Variants in SCN7A observed in about 807,000 individuals in gnomAD.
SCN7A encodes sodium voltage-gated channel alpha subunit 7, also known as sodium channel protein type 7 subunit alpha.
Under a neutral mutation model 155.2 loss-of-function variants are expected in SCN7A, and 138 were observed. The ratio of observed to expected loss-of-function variants is 0.89; its 90% confidence interval spans 0.77 to 1.02. The LOEUF is 1.02. Ranked by LOEUF, SCN7A falls within the 50% of genes least tolerant of loss-of-function variation. SCN7A has a pLI of 0.00. For synonymous variants in SCN7A, 693 were observed against 649.0 expected, an observed-to-expected ratio of 1.07 and a Z score of -1.03; for missense variants, 2,058 against 1,986.6, an observed-to-expected ratio of 1.04 and a Z score of -0.68.
At chr2:166,409,602 A>T in intron 25 of SCN7A, 63 bp downstream of exon 25, 1 of 1,213,792 alleles carries the variant, frequency 8.2e-7, no homozygotes, top group Non-Finnish European at 1.1e-6. Context: ...TTTCATATTT[A>T]CTGTAAGAGC....
At position 166,405,696 on chromosome 2, in the gene SCN7A, C is replaced by A. The variant is rs771953782; in HGVS notation, c.4933G>T (p.Asp1645Tyr). ...ATATGAATATCTGATGTATTTTTGT[C>A]ATTTCGCCTCAAGCGGTAATTTTTA... ...AYKNYRLRRN[D>Y]KNTSDIHMID... Residue 1645 changes from aspartate (D) to tyrosine (Y), a missense_variant, in exon 26 of 26, where the codon GAC (aspartate) becomes TAC (tyrosine). Transcript: ENST00000643258. The A allele has an allele frequency of 3.0e-5, 48 of 1,612,844 alleles. No homozygotes were observed. The highest frequency in any genetic ancestry group is 4.1e-5 in the Non-Finnish European group (48 of 1,179,324).
At chr2:166,456,049 C>A (rs1217484817) in intron 11 of SCN7A, among the ~76,000 whole-genome samples, 1 of 152,152 alleles carries the variant, frequency 6.6e-6, no homozygotes, top group Non-Finnish European at 1.5e-5. Context: ...GAGTTCACAT[C>A]CTTTGCAGGG....
At position 166,462,499 on chromosome 2, in the gene SCN7A, C is replaced by A. The variant is rs746837039; in HGVS notation, c.973G>T (p.Ala325Ser). The A allele has an allele frequency of 1.2e-6, 2 of 1,613,794 alleles. No individual in the cohort carries two copies. Among genetic ancestry groups the A allele is most frequent in the South Asian group, 2.2e-5 (2 of 91,034 alleles). Residue 325 changes from alanine to serine, a missense_variant, in exon 10 of 26, where the codon GCT becomes TCT. Transcript: ENST00000643258. ...QCPEGYVCVK[A>S]GINPDQGFTN... ...AAGCCTTGATCAGGATTTATGCCAG[C>A]TTTTACACACACATATCCTTCAGGA...
Position 166,406,627 on chromosome 2 carries a change from T to C in SCN7A, c.4002A>G (p.Thr1334=), listed in dbSNP as rs766884582. The part of the protein sequence containing the change: ...FSITGLCLPM[T]VGSYLVPPSL... ...AAGGAGGCACAAGGTAGGATCCTAC[T>C]GTCATAGGCAGACATAGTCCTGGGG... is the stretch of plus-strand genomic sequence containing the variant. The change falls in exon 26 of 26, where the codon ACA becomes ACG. Residue 1334 remains threonine (T), a synonymous_variant. Coordinates refer to ENST00000643258, the MANE Select transcript of SCN7A (RefSeq NM_002976.4). The C allele has an allele frequency of 1.2e-6, 2 of 1,606,282 alleles. No homozygotes were observed. The highest frequency in any genetic ancestry group is 2.2e-5 in the South Asian group (2 of 89,798).
chr2:166,465,629 T>A, intron 8 of SCN7A, 98 bp from the exon 9 acceptor site: 1 of 1,233,262 alleles, frequency 8.1e-7, no homozygotes, highest in Non-Finnish European at 1.2e-6. Context: ...AATACCTTTC[T>A]GCAATTGTGA....
intron 1 of SCN7A, among the ~76,000 whole-genome samples, chr2:166,487,462 G>A (rs2105538351): frequency 6.6e-6 from 1 of 152,218 alleles, no homozygotes; most frequent in East Asian, 1.9e-4. Flanking sequence ...CTAGAGCACA[G>A]CCTGCCAGCA....
chr2:166,423,138 G>A lies in SCN7A; in HGVS notation c.3027+121C>T, dbSNP rs182236198. On this transcript the variant is annotated intron_variant, in intron 19 of 25. Coordinates refer to ENST00000643258, the MANE Select transcript of SCN7A (RefSeq NM_002976.4). Reference sequence around the variant, plus strand: ...TATTACAAACTAAGAAAGGTGTCATGTACCAACAATGTAGAGAGAGAGGGA... The same window carrying A: ...TATTACAAACTAAGAAAGGTGTCATATACCAACAATGTAGAGAGAGAGGGA... 1.3e-4 allele frequency: 124 copies of A among 943,722 alleles called. 2 individuals are homozygous for A. The South Asian group carries it at 1.6e-3, about 13-fold the overall frequency. The allele number at this position is 943,722 out of a possible 1,614,324, so 58.5% of individuals were successfully genotyped here.
At chr2:166,464,608 G>T (rs544301549) in intron 9 of SCN7A, among the ~76,000 whole-genome samples, 1 of 152,112 alleles carries the variant, frequency 6.6e-6, no homozygotes, top group Non-Finnish European at 1.5e-5. Context: ...AAATATCAGC[G>T]TATCTTTTTA....
chr2:166,416,996 T>TA lies in SCN7A; in HGVS notation c.3136-12dup. The TA allele has an allele frequency of 6.5e-7, 1 of 1,539,624 alleles. No homozygotes were observed. The highest frequency in any genetic ancestry group is 8.7e-7 in the Non-Finnish European group (1 of 1,143,464). On this transcript the variant is annotated splice_polypyrimidine_tract_variant and intron_variant, in intron 20 of 25. Coordinates refer to ENST00000643258, the MANE Select transcript of SCN7A (RefSeq NM_002976.4). ...AGCTCTCACAACCACCTGGTATATA[T>TA]AAAAAATGTAAACTTTAGATAGGAA...
chr2:166,406,668 C>A, intron 25 of SCN7A, 22 bp from the exon 26 acceptor site: 1 of 1,454,444 alleles, frequency 6.9e-7, no homozygotes, highest in Non-Finnish European at 9.4e-7. Context: ...AAAGATAAAG[C>A]AGGCTATACA....
intron 21 of SCN7A, 101 bp downstream of exon 21, chr2:166,416,606 T>A: frequency 1.9e-6 from 2 of 1,068,016 alleles, no homozygotes; most frequent in South Asian, 3.5e-5. Context: ...CTAAAATATT[T>A]TATAACCAAA....
Position 166,404,940 on chromosome 2 carries a change from C to T in SCN7A, c.*640G>A, listed in dbSNP as rs1435085764. 5.3e-5 allele frequency: 8 copies of T among 151,638 alleles called. No homozygotes were observed. Among genetic ancestry groups the T allele is most frequent in the South Asian group, 2.1e-4 (1 of 4,822 alleles). 9.4% of individuals were successfully genotyped at this position (151,638 alleles called of 1,614,324 possible). A position where few individuals can be genotyped will look rare whatever the true frequency, so the allele number is the denominator to read the frequency against. On this transcript the variant is annotated 3_prime_UTR_variant, in exon 26 of 26. Coordinates refer to ENST00000643258, the MANE Select transcript of SCN7A (RefSeq NM_002976.4). ...CTATCCAGAGATGAGAAACCAGGAG[C>T]TTGAGCACAATGAAATCCTATTCAT...
rs542038022 is a variant in SCN7A at position 166,482,368 on chromosome 2, T to C, written c.-15+4488A>G. 2.6e-5 allele frequency among the ~76,000 whole-genome samples: 4 copies of C among 152,222 alleles called. No individual in the cohort carries two copies. In the South Asian group the frequency reaches 8.3e-4, roughly 32 times the overall value. Reference sequence around the variant, plus strand: ...ATCAAAACTGCAAGACCCAATTTGCTAGCCTGTCTTCCTATTGCATAGTCC... The same window carrying C: ...ATCAAAACTGCAAGACCCAATTTGCCAGCCTGTCTTCCTATTGCATAGTCC... On this transcript the variant is annotated intron_variant, in intron 2 of 25. Transcript: ENST00000643258.
At chr2:166,417,124 C>T in intron 20 of SCN7A, 139 bp from the exon 21 acceptor site, 1 of 650,160 alleles carries the variant, frequency 1.5e-6, no homozygotes, top group Middle Eastern at 4.1e-4. Context: ...GATTTAACAG[C>T]CCACATGCTG....
chr2:166,426,322 G>T (rs13397124), intron 18 of SCN7A, among the ~76,000 whole-genome samples: 28,953 of 152,068 alleles, frequency 0.19, 2,901 homozygotes, highest in South Asian at 0.24. Flanking sequence ...CTGTGATGGA[G>T]AAAGGCGTAG....
chr2:166,405,439 C>T lies in SCN7A; in HGVS notation c.*141G>A. The T allele has an allele frequency of 1.6e-6, 1 of 632,502 alleles. No individual in the cohort carries two copies. Among genetic ancestry groups the T allele is most frequent in the Non-Finnish European group, 2.7e-6 (1 of 375,258 alleles). The allele number at this position is 632,502 out of a possible 1,614,324, so 39.2% of individuals were successfully genotyped here. On this transcript the variant is annotated 3_prime_UTR_variant, in exon 26 of 26. Coordinates refer to ENST00000643258, the MANE Select transcript of SCN7A (RefSeq NM_002976.4). ...ATATAATGCTAAAAAGTGAATTTGG[C>T]ATGAAGTCTTGTGAATACAAGCTTA...
chr2:166,459,789 T>C (rs1324483152), intron 10 of SCN7A, among the ~76,000 whole-genome samples: 1 of 152,156 alleles, frequency 6.6e-6, no homozygotes, highest in African/African-American at 2.4e-5. Flanking sequence ...TGGAATACTA[T>C]GCAGCCATAA....
chr2:166,442,165 A>T (rs771142539), intron 14 of SCN7A, among the ~76,000 whole-genome samples: 37 of 152,208 alleles, frequency 2.4e-4, no homozygotes, highest in Non-Finnish European at 7.3e-5. Context: ...TGATGAAGGT[A>T]CTATCATGTA....
chr2:166,469,518 C>T (rs2105494065), intron 7 of SCN7A, among the ~76,000 whole-genome samples: 1 of 151,770 alleles, frequency 6.6e-6, no homozygotes, highest in East Asian at 1.9e-4. Context: ...TTTTCATACA[C>T]TCCATATTGC....
Sources: allele counts gnomAD v4.1 joint callset (sites outside exome capture counted in the v4.1 genomes callset), GRCh38; gene constraint gnomAD v4.1.1; transcripts MANE v1.5; gene names NCBI Gene and HGNC (gene_info 2026-07-23, HGNC 2026-07-21).